Variants in IL1RAPL2 observed in about 807,000 individuals in gnomAD.
The protein encoded by IL1RAPL2 is interleukin 1 receptor accessory protein like 2.
IL1RAPL2 carries 3 observed loss-of-function variants against 44.1 expected under a neutral mutation model. That is an observed-to-expected ratio of 0.07 (90% CI 0.03 to 0.18). The LOEUF is 0.18. Ranked by LOEUF, IL1RAPL2 falls within the 10% of genes least tolerant of loss-of-function variation. IL1RAPL2 has a pLI of 1.00. For missense variants in IL1RAPL2, 391 were observed against 496.4 expected (o/e 0.79, Z 2.02); for synonymous variants, 181 against 178.8 (o/e 1.01, Z -0.10).
At chrX:105,665,247 G>T (rs1841593136) in intron 6 of IL1RAPL2, among the ~76,000 whole-genome samples, 1 of 111,092 alleles carries the variant, frequency 9.0e-6, no homozygotes, top group South Asian at 3.8e-4. Flanking sequence ...AAGCATAGTG[G>T]ATTTTCATAC....
chrX:105,731,466 T>C (rs970314303), intron 7 of IL1RAPL2, among the ~76,000 whole-genome samples: 4 of 110,877 alleles, frequency 3.6e-5, no homozygotes, highest in African/African-American at 1.3e-4. Flanking sequence ...ACTGGGTATT[T>C]ATCTAAAGAA....
At chrX:105,669,258 TTGA>T (rs1232852080) in intron 6 of IL1RAPL2, among the ~76,000 whole-genome samples, 5 of 112,106 alleles carry the variant, frequency 4.5e-5, no homozygotes, top group African/African-American at 1.6e-4. Flanking sequence ...ATTTCCCATG[TTGA>T]TTATTTCTCA....
At chrX:105,547,669 C>G (rs1244615835) in intron 6 of IL1RAPL2, among the ~76,000 whole-genome samples, 1 of 112,115 alleles carries the variant, frequency 8.9e-6, no homozygotes, top group Admixed American at 9.4e-5. Flanking sequence ...CTGTTGGCTG[C>G]ATCCCTTCCC....
At chrX:105,274,886 A>T (rs1478617322) in intron 5 of IL1RAPL2, among the ~76,000 whole-genome samples, 3 of 111,894 alleles carry the variant, frequency 2.7e-5, no homozygotes, top group African/African-American at 9.8e-5. Context: ...CTTAGTGCCC[A>T]TAATATCTAA....
chrX:105,099,453 CTTTTTTTTTTTT>C (rs36063657), intron 2 of IL1RAPL2, among the ~76,000 whole-genome samples: 24 of 35,866 alleles, frequency 6.7e-4, no homozygotes, highest in South Asian at 1.7e-3. Flanking sequence ...GTGCCACATA[CTTTTTTTTTTTT>C]TTTTTTTTTT....
chrX:104,947,472 T>C (rs1202828558), intron 2 of IL1RAPL2, among the ~76,000 whole-genome samples: 2 of 102,516 alleles, frequency 2.0e-5, no homozygotes, highest in East Asian at 3.1e-4. Context: ...TTTGGTGTTT[T>C]GGACATGAAG....
At chrX:105,619,240 G>T (rs1207814210) in intron 6 of IL1RAPL2, among the ~76,000 whole-genome samples, 3 of 104,013 alleles carry the variant, frequency 2.9e-5, no homozygotes, top group Non-Finnish European at 5.9e-5. Flanking sequence ...GTTAAGACCA[G>T]AAGGCCAAAT....
At chrX:105,247,893 A>G (rs1266772314) in intron 4 of IL1RAPL2, among the ~76,000 whole-genome samples, 2 of 110,021 alleles carry the variant, frequency 1.8e-5, no homozygotes, top group African/African-American at 3.3e-5. Flanking sequence ...ACTTTCATAT[A>G]TACACATATA....
intron 2 of IL1RAPL2, among the ~76,000 whole-genome samples, chrX:104,949,980 C>T: frequency 9.0e-6 from 1 of 110,773 alleles, no homozygotes; most frequent in African/African-American, 3.3e-5. Context: ...TCCTTGTTGA[C>T]TTTCTGTCTC....
At chrX:105,205,912 T>A (rs1418029035) in intron 3 of IL1RAPL2, among the ~76,000 whole-genome samples, 1 of 110,337 alleles carries the variant, frequency 9.1e-6, no homozygotes, top group Admixed American at 9.8e-5. Context: ...GAAGCAATTG[T>A]ATTAGTTGAG....
Position 105,075,568 on chromosome X carries a change from G to A in IL1RAPL2, c.83-119907G>A, listed in dbSNP as rs1040718764. Among the ~76,000 whole-genome samples, 4 of 112,008 alleles carry A rather than the reference G, an allele frequency of 3.6e-5. No homozygotes were observed. The East Asian group carries it at 1.1e-3, about 31-fold the overall frequency. ...GATGCTGGCCTCATAAAATGAGTTA[G>A]GGAGGATTCCCTCTTTTTCTATTGA... On this transcript the variant is annotated intron_variant, in intron 2 of 10. Coordinates refer to ENST00000372582, the MANE Select transcript of IL1RAPL2 (RefSeq NM_017416.2).
chrX:104,912,569 T>G (rs1421570602), intron 2 of IL1RAPL2, among the ~76,000 whole-genome samples: 1 of 111,668 alleles, frequency 9.0e-6, no homozygotes, highest in Non-Finnish European at 1.9e-5. Flanking sequence ...TTTCCAATAG[T>G]GACTGTTTCA....
intron 4 of IL1RAPL2, among the ~76,000 whole-genome samples, chrX:105,256,316 A>G (rs915213661): frequency 1.9e-5 from 2 of 105,912 alleles, no homozygotes; most frequent in Non-Finnish European, 3.9e-5. Flanking sequence ...GCTATTTATT[A>G]TTGACACAAT....
intron 6 of IL1RAPL2, among the ~76,000 whole-genome samples, chrX:105,710,924 A>G (rs990559199): frequency 9.4e-6 from 1 of 106,518 alleles, no homozygotes; most frequent in Admixed American, 1.0e-4. Flanking sequence ...ATTAAATTAC[A>G]CTGATATACA....
chrX:104,676,640 T>G (rs989067896), intron 2 of IL1RAPL2, among the ~76,000 whole-genome samples: 1 of 111,825 alleles, frequency 8.9e-6, no homozygotes, highest in Non-Finnish European at 1.9e-5. Context: ...AATCTGAACA[T>G]TGGCCTGCCT....
At chrX:104,905,343 A>C (rs1037172364) in intron 2 of IL1RAPL2, among the ~76,000 whole-genome samples, 1 of 110,988 alleles carries the variant, frequency 9.0e-6, no homozygotes, top group Admixed American at 9.6e-5. Flanking sequence ...TTTTGTTGTC[A>C]TTGCTTTTGG....
At chrX:105,615,760 G>A (rs963907510) in intron 6 of IL1RAPL2, among the ~76,000 whole-genome samples, 1 of 111,958 alleles carries the variant, frequency 8.9e-6, no homozygotes, top group Non-Finnish European at 1.9e-5. Context: ...CCTAGTATTT[G>A]CTAGCACAAC....
At chrX:104,815,000 T>C (rs1159942755) in intron 2 of IL1RAPL2, among the ~76,000 whole-genome samples, 1 of 112,011 alleles carries the variant, frequency 8.9e-6, no homozygotes, top group East Asian at 2.8e-4. Context: ...TGCAAATAAA[T>C]GGCAAGTGCG....
At chrX:105,321,372 C>T (rs1375064337) in intron 5 of IL1RAPL2, among the ~76,000 whole-genome samples, 2 of 111,759 alleles carry the variant, frequency 1.8e-5, no homozygotes, top group African/African-American at 6.5e-5. Flanking sequence ...CACTATCTTT[C>T]CAGTCCAGTT....
Sources: gnomAD v4.1 joint callset for allele counts (sites outside exome capture counted in the v4.1 genomes callset) on GRCh38, gnomAD v4.1.1 for gene constraint, MANE v1.5 for transcripts, NCBI Gene and HGNC (gene_info 2026-07-23, HGNC 2026-07-21) for gene names.